The following ENOX2 variants were observed in gnomAD, a reference collection of about 807,000 sequenced individuals.
The protein encoded by ENOX2 is ecto-NOX disulfide-thiol exchanger 2.
In ENOX2, 36 loss-of-function variants were observed where a neutral mutation model predicts 45.0. That is an observed-to-expected ratio of 0.80 (90% CI 0.61 to 1.06). The LOEUF (loss-of-function observed/expected upper bound fraction) is 1.06, where lower values mean the gene tolerates loss of function less well. ENOX2 is among the 50% of genes least tolerant of loss of function. ENOX2 has a pLI of 0.00. For missense variants in ENOX2, 423 were observed against 462.5 expected (o/e 0.91, Z 0.78); for synonymous variants, 174 against 152.3 (o/e 1.14, Z -1.05).
chrX:130,680,571 C>A (rs898284371), intron 5 of ENOX2, among the ~76,000 whole-genome samples: 1 of 112,276 alleles, frequency 8.9e-6, no homozygotes, highest in Non-Finnish European at 1.9e-5. Context: ...GTTCTATCTG[C>A]CAGCTCTTTG....
At chrX:130,717,102 T>C (rs1159254719) in intron 3 of ENOX2, among the ~76,000 whole-genome samples, 2 of 112,282 alleles carry the variant, frequency 1.8e-5, no homozygotes, top group Non-Finnish European at 3.8e-5. Flanking sequence ...AAATAATGAA[T>C]TGGAAAGAAA....
chrX:130,780,929 G>C (rs951842090), intron 3 of ENOX2, among the ~76,000 whole-genome samples: 25 of 111,443 alleles, frequency 2.2e-4, no homozygotes, highest in East Asian at 2.8e-4. Context: ...ATGGTCGGTA[G>C]CTCCTTTGGG....
chrX:130,713,032 G>A (rs181308450), intron 3 of ENOX2, among the ~76,000 whole-genome samples: 20 of 112,245 alleles, frequency 1.8e-4, no homozygotes, highest in Admixed American at 1.4e-3. Flanking sequence ...TATAGACAAG[G>A]AGTATGAAAC....
Position 130,723,612 on chromosome X carries a change from C to T in ENOX2, c.-38-20358G>A, listed in dbSNP as rs141575968. ...GTTCTGCATCATTCTGTTTTCAGTA[C>T]GTTTTTCTTTAAGTCAGGGTTTGTA... On this transcript the variant is annotated intron_variant, in intron 3 of 14. Coordinates refer to ENST00000394363, the MANE Select transcript of ENOX2 (RefSeq NM_006375.4). Among the ~76,000 whole-genome samples, 612 of 112,103 alleles carry T rather than the reference C, an allele frequency of 5.5e-3. 4 individuals carry two copies. Among genetic ancestry groups the T allele is most frequent in the African/African-American group, 0.019 (574 of 30,865 alleles).
rs917185109 is a variant in ENOX2 at position 130,623,172 on chromosome X, C to T, written c.*2142G>A. On this transcript the variant is annotated 3_prime_UTR_variant, in exon 15 of 15. Coordinates refer to ENST00000394363, the MANE Select transcript of ENOX2 (RefSeq NM_006375.4). ...ACTATAGCCTAGCCAAGTTGCCACA[C>T]AAAATTAACCATAAAAACTAGTATA... is the stretch of plus-strand genomic sequence containing the variant. Among the ~76,000 whole-genome samples, 2 of 111,420 alleles carry T rather than the reference C, an allele frequency of 1.8e-5. No individual in the cohort carries two copies. Among genetic ancestry groups the T allele is most frequent in the Non-Finnish European group, 3.8e-5 (2 of 53,148 alleles).
At chrX:130,860,258 C>T (rs1378706921) in intron 2 of ENOX2, among the ~76,000 whole-genome samples, 1 of 112,097 alleles carries the variant, frequency 8.9e-6, no homozygotes, top group Non-Finnish European at 1.9e-5. Context: ...TGCCCAGCTT[C>T]TCTCCAACTT....
At chrX:130,626,032 T>G (rs1469503139) in intron 14 of ENOX2, among the ~76,000 whole-genome samples, 3 of 111,146 alleles carry the variant, frequency 2.7e-5, no homozygotes. Context: ...GTAGAGTTAG[T>G]AAGTTACCCT....
At position 130,771,481 on chromosome X, in the gene ENOX2, GT is replaced by G. The variant is rs776905862; in HGVS notation, c.-39+12065del. On this transcript the variant is annotated intron_variant, in intron 3 of 14. Transcript: ENST00000394363. ...AAGTGGGCCAGATGATTTTAATATAGTTTTTTTCGTTTCTAGGCTCCACAAC... is the reference window on the plus strand; with the variant it reads ...AAGTGGGCCAGATGATTTTAATATAGTTTTTTCGTTTCTAGGCTCCACAAC... 2.3e-4 allele frequency among the ~76,000 whole-genome samples: 26 copies of G among 111,128 alleles called. No homozygotes were observed. In the East Asian group the frequency reaches 6.8e-3, roughly 29 times the overall value.
chrX:130,872,533 T>A (rs1329846444), intron 2 of ENOX2, among the ~76,000 whole-genome samples: 1 of 111,617 alleles, frequency 9.0e-6, no homozygotes, highest in African/African-American at 3.3e-5. Flanking sequence ...GCATGGCAGA[T>A]CATCATGCTA....
chrX:130,812,442 C>T (rs777054308), intron 2 of ENOX2, among the ~76,000 whole-genome samples: 1 of 111,940 alleles, frequency 8.9e-6, no homozygotes, highest in East Asian at 2.8e-4. Context: ...AGAAACCTAG[C>T]AACTAAGAAT....
At chrX:130,711,244 T>C (rs927503832) in intron 3 of ENOX2, among the ~76,000 whole-genome samples, 2 of 111,835 alleles carry the variant, frequency 1.8e-5, no homozygotes, top group Non-Finnish European at 3.8e-5. Flanking sequence ...ATTGTGGCAG[T>C]GCAGGTGTTA....
intron 2 of ENOX2, among the ~76,000 whole-genome samples, chrX:130,871,651 A>G (rs749040624): frequency 9.0e-6 from 1 of 111,270 alleles, no homozygotes; most frequent in Admixed American, 9.6e-5. Flanking sequence ...AACTAATATT[A>G]TGTGCCTTTA....
intron 3 of ENOX2, among the ~76,000 whole-genome samples, chrX:130,729,805 T>C (rs1036975943): frequency 8.9e-5 from 10 of 112,275 alleles, no homozygotes; most frequent in African/African-American, 2.6e-4. Context: ...AGAACCCTCA[T>C]AGCAATAACA....
In ENOX2 at chrX:130,637,443, T is replaced by C. The variant is rs1206967920; in HGVS notation, c.1130-33A>G. ...TCAATATAAAATATGAAACCATATA[T>C]CCAGATTCATTTGTGATTCATCTGG... is the stretch of plus-strand genomic sequence containing the variant. On this transcript the variant is annotated intron_variant, in intron 10 of 14. Coordinates refer to ENST00000394363, the MANE Select transcript of ENOX2 (RefSeq NM_006375.4). 3 of 1,126,901 alleles carry C rather than the reference T, an allele frequency of 2.7e-6. No individual in the cohort carries two copies. The African/African-American group carries it at 5.5e-5, about 20-fold the overall frequency. 92.9% of individuals were successfully genotyped at this position (1,126,901 alleles called of 1,213,427 possible).
At chrX:130,737,814 T>A (rs1569495220) in intron 3 of ENOX2, among the ~76,000 whole-genome samples, 1 of 111,131 alleles carries the variant, frequency 9.0e-6, no homozygotes, top group African/African-American at 3.3e-5. Context: ...GGTAAGGCAG[T>A]CTAAGGGGGA....
chrX:130,674,471 A>G (rs777080523), intron 6 of ENOX2, among the ~76,000 whole-genome samples: 1 of 111,076 alleles, frequency 9.0e-6, no homozygotes, highest in Admixed American at 9.5e-5. Flanking sequence ...AACAGAAAAA[A>G]ATTAAATAAG....
At chrX:130,633,856 G>C (rs1171561244) in intron 12 of ENOX2, among the ~76,000 whole-genome samples, 2 of 112,560 alleles carry the variant, frequency 1.8e-5, no homozygotes, top group Non-Finnish European at 3.8e-5. Context: ...GTCCTGATAA[G>C]TAAAGCAGCT....
At position 130,679,657 on chromosome X, in the gene ENOX2, A is replaced by G; in HGVS notation, c.345T>C (p.Ile115=). 3.3e-6 allele frequency: 4 copies of G among 1,210,142 alleles called. No individual in the cohort carries two copies. The highest frequency in any genetic ancestry group is 4.5e-6 in the Non-Finnish European group (4 of 894,227). Residue 115 remains isoleucine, a synonymous_variant, in exon 6 of 15, where the codon ATT becomes ATC. Coordinates refer to ENST00000394363, the MANE Select transcript of ENOX2 (RefSeq NM_006375.4). ...CTCCACACTGCTCGAAAACTTCCAC[A>G]ATGATTTGCTCTGTCCCATTTTCAG... ...GLPENGTEQI[I]VEVFEQCGEI... is the part of the protein sequence containing the mutation.
intron 2 of ENOX2, among the ~76,000 whole-genome samples, chrX:130,797,634 G>A (rs984907293): frequency 2.7e-5 from 3 of 111,628 alleles, no homozygotes; most frequent in Admixed American, 9.5e-5. Flanking sequence ...AGGAGAAAAT[G>A]GAAGAGCAGG....
Sources: gnomAD v4.1 joint callset for allele counts (sites outside exome capture counted in the v4.1 genomes callset) on GRCh38, gnomAD v4.1.1 for gene constraint, MANE v1.5 for transcripts, NCBI Gene and HGNC (gene_info 2026-07-23, HGNC 2026-07-21) for gene names.